HMGA2: variants seen among roughly 807,000 people sequenced by gnomAD.
The protein encoded by HMGA2 is high mobility group protein HMGI-C.
A neutral mutation model predicts 19.1 loss-of-function variants in HMGA2; 8 were observed. That is an observed-to-expected ratio of 0.42 (90% CI 0.25 to 0.76). HMGA2 has a LOEUF of 0.76. HMGA2 is among the 30% of genes least tolerant of loss of function. The pLI is 0.28. For synonymous variants in HMGA2, 60 were observed against 48.8 expected, an observed-to-expected ratio of 1.23 and a Z score of -0.96; for missense variants, 109 against 136.3, an observed-to-expected ratio of 0.80 and a Z score of 1.00.
chr12:65,890,358 A>G (rs1279441432), intron 3 of HMGA2, among the ~76,000 whole-genome samples: 7 of 152,212 alleles, frequency 4.6e-5, no homozygotes, highest in Non-Finnish European at 1.0e-4. Flanking sequence ...TGAATGATGG[A>G]CTGAATAAAT....
rs1329059885 is a variant in HMGA2, at chr12:65,824,571, G to T, written c.-700G>T. On this transcript the variant is annotated 5_prime_UTR_variant, in exon 1 of 5. Transcript: ENST00000403681. ...CCTCCGACTCTCCGGTGCCGCCGCT[G>T]CCTGCTCCCGCCACCCTAGGAGGCG... is the stretch of plus-strand genomic sequence containing the variant. 2.6e-5 allele frequency: 6 copies of T among 233,070 alleles called. No homozygotes were observed. The highest frequency in any genetic ancestry group is 3.4e-5 in the Non-Finnish European group (4 of 118,290). 14.4% of individuals were successfully genotyped at this position (233,070 alleles called of 1,614,324 possible). A position where few individuals can be genotyped will look rare whatever the true frequency, so the allele number is the denominator to read the frequency against.
At chr12:65,900,045 T>G (rs2121171998) in intron 3 of HMGA2, among the ~76,000 whole-genome samples, 1 of 152,364 alleles carries the variant, frequency 6.6e-6, no homozygotes, top group Non-Finnish European at 1.5e-5. Flanking sequence ...AGGGTAATAT[T>G]TTAATACTTA....
chr12:65,884,876 A>G (rs1416975443), intron 3 of HMGA2, among the ~76,000 whole-genome samples: 1 of 152,260 alleles, frequency 6.6e-6, no homozygotes, highest in African/African-American at 2.4e-5. Context: ...TGAGAATATT[A>G]AATGAGCTAA....
At chr12:65,921,080 C>A (rs1875290756) in intron 3 of HMGA2, among the ~76,000 whole-genome samples, 1 of 152,120 alleles carries the variant, frequency 6.6e-6, no homozygotes, top group African/African-American at 2.4e-5. Context: ...TGGGAACTGG[C>A]ACAAAGGTGA....
chr12:65,855,141 C>A (rs1452762401), intron 3 of HMGA2, among the ~76,000 whole-genome samples: 1 of 152,174 alleles, frequency 6.6e-6, no homozygotes, highest in Non-Finnish European at 1.5e-5. Flanking sequence ...TATATTGAAA[C>A]ACATGCCTGT....
chr12:65,907,559 T>C (rs1874651971), intron 3 of HMGA2, among the ~76,000 whole-genome samples: 1 of 152,118 alleles, frequency 6.6e-6, no homozygotes, highest in South Asian at 2.1e-4. Flanking sequence ...GAGGAGTCTA[T>C]GCCCCTCTTT....
chr12:65,879,193 T>A (rs1873219936), intron 3 of HMGA2, among the ~76,000 whole-genome samples: 1 of 152,232 alleles, frequency 6.6e-6, no homozygotes, highest in African/African-American at 2.4e-5. Flanking sequence ...AGTGGCATGA[T>A]CACGGCTCAC....
At chr12:65,835,675 T>C (rs1870685258) in intron 2 of HMGA2, among the ~76,000 whole-genome samples, 1 of 152,198 alleles carries the variant, frequency 6.6e-6, no homozygotes, top group Admixed American at 6.5e-5. Context: ...TTGCTTTCTC[T>C]GATTTTGAAA....
chr12:65,841,989 AT>A, intron 3 of HMGA2: 1 of 901,786 alleles, frequency 1.1e-6, no homozygotes, highest in Non-Finnish European at 1.5e-6. Context: ...AATTCCCTTC[AT>A]CTTTTTTTTT....
intron 3 of HMGA2, among the ~76,000 whole-genome samples, chr12:65,890,724 A>G (rs1873866740): frequency 6.8e-6 from 1 of 147,816 alleles, no homozygotes; most frequent in South Asian, 2.1e-4. Context: ...TCTTCAGTAT[A>G]TTCTTTTTTT....
At chr12:65,836,493 GTCATC>G (rs1176721089) in intron 2 of HMGA2, among the ~76,000 whole-genome samples, 2 of 152,204 alleles carry the variant, frequency 1.3e-5, no homozygotes, top group Non-Finnish European at 2.9e-5. Context: ...CACAGGAGGA[GTCATC>G]TCCATTGCAC....
chr12:65,876,915 G>C (rs867445026), intron 3 of HMGA2: 3 of 152,590 alleles, frequency 2.0e-5, no homozygotes, highest in Admixed American at 6.5e-5. Context: ...AGTGACAGGT[G>C]AGCAGTCAGT....
chr12:65,940,585 A>T (rs1876058201), intron 3 of HMGA2, among the ~76,000 whole-genome samples: 1 of 152,194 alleles, frequency 6.6e-6, no homozygotes, highest in Non-Finnish European at 1.5e-5. Context: ...TAGATAAAAG[A>T]GGATGGTTGC....
chr12:65,832,439 G>A (rs1303766531), intron 2 of HMGA2, among the ~76,000 whole-genome samples: 3 of 151,978 alleles, frequency 2.0e-5, no homozygotes, highest in African/African-American at 7.2e-5. Context: ...TTTATCTCAA[G>A]TTCTCAACAG....
At chr12:65,849,438 T>C (rs1871360364) in intron 3 of HMGA2, among the ~76,000 whole-genome samples, 1 of 152,218 alleles carries the variant, frequency 6.6e-6, no homozygotes, top group Admixed American at 6.5e-5. Context: ...ATGCTGTCCA[T>C]CTTATAACAT....
chr12:65,903,465 GA>G (rs1447972404), intron 3 of HMGA2, among the ~76,000 whole-genome samples: 1 of 152,072 alleles, frequency 6.6e-6, no homozygotes, highest in Non-Finnish European at 1.5e-5. Flanking sequence ...TCTGAGTGGG[GA>G]AAAAATTACC....
intron 4 of HMGA2, chr12:65,956,700 T>G (rs1415755845): frequency 6.6e-6 from 1 of 152,188 alleles, no homozygotes; most frequent in Admixed American, 6.5e-5. Flanking sequence ...ACAAATTTGC[T>G]GTGAGAGTTT....
intron 3 of HMGA2, among the ~76,000 whole-genome samples, chr12:65,892,058 C>T (rs1003710293): frequency 2.0e-5 from 3 of 152,138 alleles, no homozygotes; most frequent in African/African-American, 4.8e-5. Context: ...GAATCTGGAC[C>T]GGAGTGCTCT....
chr12:65,842,890 TA>T (rs1871063985), intron 3 of HMGA2: 4 of 1,250,370 alleles, frequency 3.2e-6, no homozygotes, highest in Non-Finnish European at 4.0e-6. Context: ...GGCTCAAGAA[TA>T]CAATGAAGTA....
Sources: allele counts gnomAD v4.1 joint callset (sites outside exome capture counted in the v4.1 genomes callset), GRCh38; gene constraint gnomAD v4.1.1; transcripts MANE v1.5; gene names NCBI Gene and HGNC (gene_info 2026-07-23, HGNC 2026-07-21).